Variants in SYBU observed in about 807,000 individuals in gnomAD.
SYBU encodes the protein GOLSYN A protein.
Under a neutral mutation model 35.9 loss-of-function variants are expected in SYBU, and 21 were observed. The ratio of observed to expected loss-of-function variants is 0.58; its 90% CI spans 0.41 to 0.84. SYBU has a LOEUF of 0.84. Ranked by LOEUF, SYBU falls within the 40% of genes least tolerant of loss-of-function variation. The pLI is 0.00. For synonymous variants in SYBU, 319 were observed against 324.3 expected, an observed-to-expected ratio of 0.98 and a Z score of 0.18; for missense variants, 768 against 848.2, an observed-to-expected ratio of 0.91 and a Z score of 1.17.
At chr8:109,683,803 G>T (rs1436288961), upstream of SYBU, among the ~76,000 whole-genome samples, 2 of 152,276 alleles carry the variant, frequency 1.3e-5, no homozygotes, top group South Asian at 2.1e-4. Context: ...TGAATCATGG[G>T]AGCAGTTACC....
chr8:109,594,346 T>G (rs1045581041), intron 3 of SYBU, among the ~76,000 whole-genome samples: 4 of 152,138 alleles, frequency 2.6e-5, no homozygotes, highest in African/African-American at 9.7e-5. Flanking sequence ...GAGAATGTTT[T>G]GGAGTCACCT....
At chr8:109,644,319 C>T (rs1347216615) in intron 1 of SYBU, 13 of 568,952 alleles carry the variant, frequency 2.3e-5, no homozygotes, top group South Asian at 1.7e-4. Context: ...GTCGCGGATG[C>T]ATCAAATTCC....
chr8:109,598,173 C>T (rs1459192073), intron 3 of SYBU, among the ~76,000 whole-genome samples: 2 of 152,220 alleles, frequency 1.3e-5, no homozygotes, highest in East Asian at 1.9e-4. Flanking sequence ...CCAGCAGCTT[C>T]CTGAATGGCT....
intron 6 of SYBU, among the ~76,000 whole-genome samples, chr8:109,576,900 A>G (rs1274604837): frequency 6.6e-6 from 1 of 152,124 alleles, no homozygotes; most frequent in Non-Finnish European, 1.5e-5. Flanking sequence ...ATATTTTCCC[A>G]AGTTTTGCTG....
intron 1 of SYBU, among the ~76,000 whole-genome samples, chr8:109,661,884 CCT>C (rs1563770464): frequency 3.3e-5 from 5 of 152,144 alleles, no homozygotes; most frequent in Non-Finnish European, 5.9e-5. Context: ...CATTTCTGTA[CCT>C]CTGTTAGGTT....
chr8:109,618,592 T>C (rs1024099313), intron 3 of SYBU, among the ~76,000 whole-genome samples: 2 of 152,220 alleles, frequency 1.3e-5, no homozygotes, highest in African/African-American at 2.4e-5. Flanking sequence ...TTCTTCACTT[T>C]TGTCTCTTTT....
chr8:109,679,970 T>C (rs1455794603), intron 1 of SYBU, among the ~76,000 whole-genome samples: 1 of 152,154 alleles, frequency 6.6e-6, no homozygotes, highest in Non-Finnish European at 1.5e-5. Context: ...AAAATGTATA[T>C]ACTTGATAGT....
chr8:109,590,339 T>C (rs1180775102), intron 3 of SYBU, among the ~76,000 whole-genome samples: 1 of 152,130 alleles, frequency 6.6e-6, no homozygotes, highest in Non-Finnish European at 1.5e-5. Context: ...CTGAACCCCG[T>C]ATAGGTATTT....
intron 1 of SYBU, among the ~76,000 whole-genome samples, chr8:109,669,864 G>A (rs543810039): frequency 6.6e-6 from 1 of 152,330 alleles, no homozygotes; most frequent in Non-Finnish European, 1.5e-5. Context: ...ATCCATACAT[G>A]TGTGAGCAAT....
chr8:109,642,886 C>T lies in SYBU; in HGVS notation c.71G>A (p.Arg24Gln), dbSNP rs1340472220. The change falls in exon 2 of 7, where the codon CGA (arginine) becomes CAA (glutamine). Residue 24 changes from arginine to glutamine, a missense_variant. Coordinates refer to ENST00000276646, the MANE Select transcript of SYBU (RefSeq NM_001099754.2). ...QHHDKEISRS[R>Q]IPRLILRPHM... ...GGGCCGAAGAATCAACCGGGGAATT[C>T]GGCTTCGAGAAATCTCCTTGTCATG... 3 of 1,587,836 alleles carry T rather than the reference C, an allele frequency of 1.9e-6. No homozygotes were observed. Among genetic ancestry groups the T allele is most frequent in the African/African-American group, 1.4e-5 (1 of 73,806 alleles).
chr8:109,647,157 C>T (rs578015576), upstream of SYBU: 1 of 152,306 alleles, frequency 6.6e-6, no homozygotes, highest in South Asian at 2.1e-4. Flanking sequence ...CTGATCTGGC[C>T]GCCTTGTTTA....
rs910265722 is a variant in SYBU, at chr8:109,675,616, T to C, written c.-129+5095A>G. Among the ~76,000 whole-genome samples, 4 of 152,182 alleles carry C rather than the reference T, an allele frequency of 2.6e-5. 1 individual carries two copies. The Middle Eastern group carries it at 0.01, about 388-fold the overall frequency. On this transcript the variant is annotated intron_variant, in intron 1 of 5. Transcript: ENST00000408889. ...GAATTTGAATCCTTGAATAGACCAA[T>C]AACAAGTTCTGAAATTGAGGCAGTA...
chr8:109,631,154 G>A (rs911649379), intron 2 of SYBU, among the ~76,000 whole-genome samples: 2 of 152,280 alleles, frequency 1.3e-5, no homozygotes, highest in South Asian at 2.1e-4. Context: ...GAAACAGGAT[G>A]GCAGTTGCAA....
chr8:109,631,684 GT>G (rs1813643005), intron 2 of SYBU, among the ~76,000 whole-genome samples: 1 of 152,160 alleles, frequency 6.6e-6, no homozygotes, highest in Non-Finnish European at 1.5e-5. Context: ...CTACCTAGAG[GT>G]TTTGGCGAGG....
At chr8:109,607,810 A>T (rs953428701) in intron 3 of SYBU, 25 of 289,972 alleles carry the variant, frequency 8.6e-5, no homozygotes, top group Non-Finnish European at 1.1e-4. Flanking sequence ...CAACTAACTC[A>T]CACACACACA....
At chr8:109,687,762 G>A (rs558262333) in intron 1 of SYBU, among the ~76,000 whole-genome samples, 1 of 152,210 alleles carries the variant, frequency 6.6e-6, no homozygotes, top group African/African-American at 2.4e-5. Context: ...CTGGCAAAAT[G>A]TCACATGGTA....
chr8:109,612,977 T>TAAA (rs752877654), intron 3 of SYBU, among the ~76,000 whole-genome samples: 3 of 79,734 alleles, frequency 3.8e-5, no homozygotes, highest in Non-Finnish European at 5.1e-5. Context: ...AAGACTCTGT[T>TAAA]AAAAAAAAAA....
In SYBU at chr8:109,604,328, C is replaced by T. The variant is rs189526582; in HGVS notation, c.427+14514G>A. Among the ~76,000 whole-genome samples, 523 of 152,226 alleles carry T rather than the reference C, an allele frequency of 3.4e-3. 4 individuals carry two copies. Among genetic ancestry groups the T allele is most frequent in the African/African-American group, 0.012 (478 of 41,556 alleles). Reference sequence around the variant, plus strand: ...ATACAGTTTTACCCTTTATAAGTATCAATATTGCATTACTTTTCCTGGGAC... The same window carrying T: ...ATACAGTTTTACCCTTTATAAGTATTAATATTGCATTACTTTTCCTGGGAC... On this transcript the variant is annotated intron_variant, in intron 3 of 6. Transcript: ENST00000276646.
chr8:109,574,594 T>C lies in SYBU; in HGVS notation c.*312A>G, dbSNP rs1821998383. 3.7e-6 allele frequency: 1 copy of C among 268,624 alleles called. No individual in the cohort carries two copies. Among genetic ancestry groups the C allele is most frequent in the Non-Finnish European group, 7.0e-6 (1 of 143,284 alleles). The allele number at this position is 268,624 out of a possible 1,614,324, so 16.6% of individuals were successfully genotyped here. ...TAACATGCCAGCCTTAGAGAAGCTG[T>C]CTTGAAAGTGCAAACTGCGTTTTCT... On this transcript the variant is annotated 3_prime_UTR_variant, in exon 7 of 7. Transcript: ENST00000276646.
Sources: allele counts gnomAD v4.1 joint callset (sites outside exome capture counted in the v4.1 genomes callset), GRCh38; gene constraint gnomAD v4.1.1; transcripts MANE v1.5; gene names NCBI Gene and HGNC (gene_info 2026-07-23, HGNC 2026-07-21).